Variants in TRHDE observed in about 807,000 individuals in gnomAD.
TRHDE encodes thyrotropin-releasing hormone-degrading ectoenzyme.
TRHDE carries 72 observed loss-of-function variants against 125.7 expected under a neutral mutation model. That is an observed-to-expected ratio of 0.57 (90% CI 0.47 to 0.70). TRHDE has a LOEUF of 0.70. Ranked by LOEUF, TRHDE falls within the 30% of genes least tolerant of loss-of-function variation. The probability of loss-of-function intolerance (pLI) is 0.00; values close to 1 mark genes in which losing one functional copy is unlikely to be tolerated. For missense variants in TRHDE, 1,110 were observed against 1,327.1 expected, an observed-to-expected ratio of 0.84 and a Z score of 2.54; for synonymous variants, 509 against 509.1, an observed-to-expected ratio of 1.00 and a Z score of 0.00.
In TRHDE at chr12:72,610,235, A is replaced by AT. The variant is rs1164382493; in HGVS notation, c.2322-8650dup. On this transcript the variant is annotated intron_variant, in intron 12 of 18. Transcript: ENST00000261180. ...AACGTGTGGATAAGCTTTTGTAATA[A>AT]TTTTTTCTGATATCTTCATAAGAAA... Among the ~76,000 whole-genome samples the AT allele has an allele frequency of 2.6e-5, 4 of 152,104 alleles. No homozygotes were observed. In the South Asian group the frequency reaches 8.3e-4, roughly 31 times the overall value.
chr12:72,419,347 A>G (rs1404852145), intron 3 of TRHDE, among the ~76,000 whole-genome samples: 2 of 152,204 alleles, frequency 1.3e-5, no homozygotes, highest in Non-Finnish European at 2.9e-5. Context: ...GTGTTGCTGT[A>G]AATAAATATC....
chr12:72,443,872 T>G (rs1043639371), intron 3 of TRHDE, among the ~76,000 whole-genome samples: 2 of 151,806 alleles, frequency 1.3e-5, no homozygotes, highest in African/African-American at 4.8e-5. Context: ...GTGATTTACA[T>G]ATCAATTTAC....
intron 2 of TRHDE, among the ~76,000 whole-genome samples, chr12:72,259,034 C>T (rs896836738): frequency 5.9e-5 from 9 of 152,082 alleles, no homozygotes; most frequent in African/African-American, 2.2e-4. Flanking sequence ...TGTAATTAAA[C>T]ATTTTGTAGA....
intron 2 of TRHDE, among the ~76,000 whole-genome samples, chr12:72,211,025 G>C (rs538279333): frequency 6.6e-6 from 1 of 152,018 alleles, no homozygotes; most frequent in South Asian, 2.1e-4. Flanking sequence ...CCATTGATTC[G>C]ACCACCCTCC....
intron 2 of TRHDE, among the ~76,000 whole-genome samples, chr12:72,215,845 C>A (rs1458690936): frequency 2.0e-5 from 3 of 152,120 alleles, no homozygotes; most frequent in African/African-American, 4.8e-5. Context: ...GGAAACGAAG[C>A]AGCTACCTTT....
At position 72,251,570 on chromosome 12, in the gene TRHDE, A is replaced by G. The variant is rs187680043; in HGVS notation, n.280-126425A>G. ...GTTTGTTTAACCATTCACCCATGGT[A>G]GGACACCTGAGACGGTTCCAATTTT... On this transcript the variant is annotated intron_variant and non_coding_transcript_variant, in intron 2 of 4. Transcript: ENST00000548156. 1.2e-4 allele frequency among the ~76,000 whole-genome samples: 18 copies of G among 152,180 alleles called. No individual in the cohort carries two copies. The East Asian group carries it at 2.9e-3, about 24-fold the overall frequency.
At chr12:72,554,093 G>A (rs1010584799) in intron 7 of TRHDE, among the ~76,000 whole-genome samples, 3 of 151,772 alleles carry the variant, frequency 2.0e-5, no homozygotes, top group Admixed American at 2.0e-4. Flanking sequence ...GGTGATTCAT[G>A]CGCTTCGGCC....
chr12:72,345,764 G>C lies in TRHDE; in HGVS notation c.1189-32231G>C, dbSNP rs74104835. Among the ~76,000 whole-genome samples the C allele has an allele frequency of 4.9e-3, 738 of 152,148 alleles. 11 individuals are homozygous for C. The highest frequency in any genetic ancestry group is 0.017 in the African/African-American group (709 of 41,542). ...CCCCTTGGATACTTTATCCCTTGGGGAGACAGACAGCTGAAGAGGTAAAGA... is the reference window on the plus strand; with the variant it reads ...CCCCTTGGATACTTTATCCCTTGGGCAGACAGACAGCTGAAGAGGTAAAGA... On this transcript the variant is annotated intron_variant, in intron 2 of 18. Transcript: ENST00000261180.
intron 12 of TRHDE, among the ~76,000 whole-genome samples, chr12:72,580,206 G>C (rs1871164962): frequency 6.6e-6 from 1 of 152,144 alleles, no homozygotes; most frequent in Admixed American, 6.6e-5. Flanking sequence ...AGGTCCCAAA[G>C]TTAAGCCCTA....
chr12:72,542,505 A>G (rs886624774), intron 7 of TRHDE, 149 bp downstream of exon 7: 3 of 535,904 alleles, frequency 5.6e-6, no homozygotes, highest in African/African-American at 3.8e-5. Context: ...ACAAATGAAA[A>G]TTCTAGATAG....
chr12:72,520,346 C>T (rs775014441), intron 6 of TRHDE, among the ~76,000 whole-genome samples: 6 of 152,256 alleles, frequency 3.9e-5, no homozygotes, highest in Admixed American at 1.3e-4. Flanking sequence ...TCTCGTGGTG[C>T]GCCATTTTTT....
chr12:72,091,066 G>T (rs1233953405), intron 1 of TRHDE, among the ~76,000 whole-genome samples: 1 of 152,012 alleles, frequency 6.6e-6, no homozygotes, highest in Admixed American at 6.6e-5. Flanking sequence ...CAGAGACAGG[G>T]TCTTACTATG....
chr12:72,113,785 G>A (rs912715027), intron 2 of TRHDE, among the ~76,000 whole-genome samples: 6 of 151,976 alleles, frequency 3.9e-5, no homozygotes, highest in Admixed American at 2.6e-4. Flanking sequence ...ATAATATCAT[G>A]TAATTGATAT....
intron 3 of TRHDE, among the ~76,000 whole-genome samples, chr12:72,458,069 C>T (rs1050863246): frequency 1.3e-5 from 2 of 152,006 alleles, no homozygotes; most frequent in East Asian, 3.9e-4. Context: ...ATTAAAGAGC[C>T]GATTATGAGA....
At chr12:72,433,097 A>G (rs1386423004) in intron 3 of TRHDE, among the ~76,000 whole-genome samples, 2 of 152,154 alleles carry the variant, frequency 1.3e-5, no homozygotes, top group African/African-American at 4.8e-5. Context: ...ATAGTGTATT[A>G]CAGTAATAAT....
chr12:72,378,577 A>G (rs1315871316), intron 3 of TRHDE, among the ~76,000 whole-genome samples: 1 of 152,214 alleles, frequency 6.6e-6, no homozygotes, highest in Non-Finnish European at 1.5e-5. Flanking sequence ...GAACAACTCA[A>G]TATTTTACAT....
intron 2 of TRHDE, among the ~76,000 whole-genome samples, chr12:72,205,722 T>C (rs910697718): frequency 2.0e-5 from 3 of 152,252 alleles, no homozygotes. Flanking sequence ...TAGTATTCCA[T>C]TGTATGTCCA....
At chr12:72,388,780 T>A (rs1872527380) in intron 3 of TRHDE, among the ~76,000 whole-genome samples, 1 of 151,962 alleles carries the variant, frequency 6.6e-6, no homozygotes, top group Admixed American at 6.6e-5. Context: ...GAAGAAATAA[T>A]GAGCTTTTGG....
At chr12:72,638,571 T>C (rs1167032298) in intron 15 of TRHDE, among the ~76,000 whole-genome samples, 69 of 152,122 alleles carry the variant, frequency 4.5e-4, no homozygotes, top group African/African-American at 1.5e-3. Context: ...TGATTTTGCT[T>C]ATTAGTTGAT....
Sources: gnomAD v4.1 joint callset for allele counts (sites outside exome capture counted in the v4.1 genomes callset) on GRCh38, gnomAD v4.1.1 for gene constraint, MANE v1.5 for transcripts, NCBI Gene and HGNC (gene_info 2026-07-23, HGNC 2026-07-21) for gene names.